WDR43: variants seen among roughly 807,000 people sequenced by gnomAD.
The protein encoded by WDR43 is WD repeat domain 43.
In WDR43, 13 loss-of-function variants were observed where a neutral mutation model predicts 91.4. The ratio of observed to expected loss-of-function variants is 0.14; its 90% CI spans 0.09 to 0.23. WDR43 has a LOEUF of 0.23. Among genes scored for constraint, WDR43 ranks in the 10% least tolerant of loss-of-function variants. The pLI, the probability that WDR43 is intolerant of heterozygous loss-of-function variation, is 1.00. For synonymous variants in WDR43, 331 were observed against 287.9 expected, an observed-to-expected ratio of 1.15 and a Z score of -1.51; for missense variants, 780 against 809.4, an observed-to-expected ratio of 0.96 and a Z score of 0.44.
chr2:28,940,942 C>T (rs1300583693), intron 14 of WDR43, among the ~76,000 whole-genome samples: 1 of 152,112 alleles, frequency 6.6e-6, no homozygotes, highest in Non-Finnish European at 1.5e-5. Flanking sequence ...TTTCAGAGGA[C>T]TCATTAACAG....
At chr2:28,905,645 G>A (rs902881922) in intron 2 of WDR43, among the ~76,000 whole-genome samples, 1 of 147,296 alleles carries the variant, frequency 6.8e-6, no homozygotes, top group African/African-American at 2.5e-5. Flanking sequence ...AATTCTAGCT[G>A]TTTATCTCTC....
intron 15 of WDR43, 71 bp from the exon 16 acceptor site, chr2:28,942,241 G>C: frequency 6.8e-7 from 1 of 1,470,920 alleles, no homozygotes; most frequent in African/African-American, 1.4e-5. Context: ...GGAAGGTTGG[G>C]TATGCTGGTG....
intron 1 of WDR43, 111 bp from the exon 2 acceptor site, chr2:28,901,872 CTCTT>C: frequency 9.5e-7 from 1 of 1,048,920 alleles, no homozygotes; most frequent in Non-Finnish European, 1.3e-6. Context: ...AATAGCTTCT[CTCTT>C]CCCCCCTTTT....
chr2:28,939,076 G>C (rs1319473284), intron 14 of WDR43, among the ~76,000 whole-genome samples: 1 of 107,540 alleles, frequency 9.3e-6, no homozygotes, highest in African/African-American at 3.3e-5. Flanking sequence ...GGTGACCTGG[G>C]AGCACTGGTG....
At chr2:28,917,791 G>T (rs1242397739) in intron 5 of WDR43, 102 bp from the exon 6 acceptor site, 3 of 970,560 alleles carry the variant, frequency 3.1e-6, no homozygotes, top group Non-Finnish European at 4.6e-6. Flanking sequence ...CAAAGCTATT[G>T]GGAATCTCAT....
chr2:28,930,654 T>C (rs145956238), intron 11 of WDR43, among the ~76,000 whole-genome samples: 1,617 of 152,356 alleles, frequency 0.011, 29 homozygotes, highest in African/African-American at 0.036. Flanking sequence ...ACAGTGTTTT[T>C]GAAATGGAAT....
chr2:28,908,173 G>T (rs576096692), intron 3 of WDR43, among the ~76,000 whole-genome samples: 1 of 152,198 alleles, frequency 6.6e-6, no homozygotes, highest in East Asian at 1.9e-4. Context: ...GAGGGAGGAG[G>T]TACTAGGGGG....
chr2:28,938,969 G>A (rs1465598892), intron 14 of WDR43, among the ~76,000 whole-genome samples: 8 of 150,702 alleles, frequency 5.3e-5, no homozygotes, highest in Non-Finnish European at 1.0e-4. Flanking sequence ...TGGCCTGGCA[G>A]CACTGGTGAG....
At position 28,919,883 on chromosome 2, in the gene WDR43, C is replaced by G. The variant is rs555963610; in HGVS notation, c.849+1888C>G. Among the ~76,000 whole-genome samples the G allele has an allele frequency of 1.1e-4, 17 of 152,072 alleles. No homozygotes were observed. The South Asian group carries it at 3.5e-3, about 32-fold the overall frequency. Reference sequence around the variant, plus strand: ...TTTTGGAGACAGAGTCTCTGTCGCCCAGGCTGGAGTGCAGTGGTGCAGTCT... The same window carrying G: ...TTTTGGAGACAGAGTCTCTGTCGCCGAGGCTGGAGTGCAGTGGTGCAGTCT... On this transcript the variant is annotated intron_variant, in intron 6 of 17. Transcript: ENST00000407426.
chr2:28,905,649 ATC>A (rs1294533086), intron 2 of WDR43, among the ~76,000 whole-genome samples: 1 of 147,816 alleles, frequency 6.8e-6, no homozygotes, highest in Non-Finnish European at 1.5e-5. Flanking sequence ...CTAGCTGTTT[ATC>A]TCTCTCTTCT....
At chr2:28,926,813 C>T (rs746681769) in intron 9 of WDR43, among the ~76,000 whole-genome samples, 16 of 151,970 alleles carry the variant, frequency 1.1e-4, no homozygotes, top group Non-Finnish European at 2.1e-4. Flanking sequence ...ATCATCTGGG[C>T]CAGGAAGAAT....
intron 3 of WDR43, among the ~76,000 whole-genome samples, chr2:28,912,070 G>C (rs1411215123): frequency 1.3e-5 from 2 of 152,132 alleles, no homozygotes; most frequent in African/African-American, 4.8e-5. Context: ...ATTTTTACCT[G>C]TCAGATTGGG....
rs867025507 is a variant in WDR43, at chr2:28,936,096, C to T, written c.1524+489C>T. On this transcript the variant is annotated intron_variant, in intron 12 of 17. Coordinates refer to ENST00000407426, the MANE Select transcript of WDR43 (RefSeq NM_015131.3). ...CAGTATGGAATTGGAGGTGGGAGGA[C>T]TGCTTGAGCCCAGGAGTTTAAGACT... Among the ~76,000 whole-genome samples, 9 of 152,034 alleles carry T rather than the reference C, an allele frequency of 5.9e-5. No individual in the cohort carries two copies. The South Asian group carries it at 1.0e-3, about 18-fold the overall frequency.
In WDR43 at chr2:28,894,722, C is replaced by T. The variant is rs527996600; in HGVS notation, c.24C>T (p.Ser8=). 1.0e-5 allele frequency: 16 copies of T among 1,569,066 alleles called. No homozygotes were observed. The highest frequency in any genetic ancestry group is 9.5e-5 in the Admixed American group (5 of 52,696). ...CAATGGCGGCGGGCGGCGGCGGTAG[C>T]TGCGACCCCCTGGCCCCTGCTGGGG... The part of the protein sequence containing the change: MAAGGGG[S]CDPLAPAGVP... Residue 8 remains serine (S), a synonymous_variant, in exon 1 of 18, where the codon AGC becomes AGT. Transcript: ENST00000407426.
At chr2:28,915,432 GT>G (rs1670886852) in intron 5 of WDR43, among the ~76,000 whole-genome samples, 1 of 152,166 alleles carries the variant, frequency 6.6e-6, no homozygotes, top group African/African-American at 2.4e-5. Context: ...AATCTCAAAT[GT>G]TTTACCGCTT....
chr2:28,917,574 T>C (rs1316018295), intron 5 of WDR43, among the ~76,000 whole-genome samples: 1 of 152,124 alleles, frequency 6.6e-6, no homozygotes, highest in Non-Finnish European at 1.5e-5. Flanking sequence ...AGACCTATTA[T>C]CAAGCGGCAC....
intron 8 of WDR43, among the ~76,000 whole-genome samples, chr2:28,926,221 T>C (rs1671137764): frequency 6.6e-6 from 1 of 152,246 alleles, no homozygotes; most frequent in Non-Finnish European, 1.5e-5. Context: ...AAGCAGTTCA[T>C]AGCTGAGGAA....
chr2:28,945,405 G>A (rs973630898), intron 16 of WDR43, among the ~76,000 whole-genome samples: 2 of 152,138 alleles, frequency 1.3e-5, no homozygotes, highest in African/African-American at 4.8e-5. Flanking sequence ...GCATCATGGG[G>A]TTGAATCTGG....
Position 28,925,096 on chromosome 2 carries a change from C to T in WDR43, c.1029C>T (p.Asp343=), listed in dbSNP as rs1434712062. 1.9e-6 allele frequency: 3 copies of T among 1,613,914 alleles called. No homozygotes were observed. The highest frequency in any genetic ancestry group is 3.3e-4 in the Middle Eastern group (2 of 6,062). The change falls in exon 8 of 18, where the codon GAC becomes GAT. Residue 343 remains aspartate, a synonymous_variant. Transcript: ENST00000407426. ...TTCTAGCTGCTGGTTTTTGCTCAGA[C>T]AAAATGTCATTGTTGCTTGTATATG... ...IPILAAGFCS[D]KMSLLLVYGS...
Sources: allele counts gnomAD v4.1 joint callset (sites outside exome capture counted in the v4.1 genomes callset), GRCh38; gene constraint gnomAD v4.1.1; transcripts MANE v1.5; gene names NCBI Gene and HGNC (gene_info 2026-07-23, HGNC 2026-07-21).